GALNT13: variants seen among roughly 807,000 people sequenced by gnomAD.
The protein encoded by GALNT13 is polypeptide N-acetylgalactosaminyltransferase 13.
A neutral mutation model predicts 64.2 loss-of-function variants in GALNT13; 28 were observed. The ratio of observed to expected loss-of-function variants is 0.44; its 90% CI spans 0.32 to 0.60. The LOEUF is 0.60. Ranked by LOEUF, GALNT13 falls within the 20% of genes least tolerant of loss-of-function variation. The pLI is 0.05. For missense variants in GALNT13, 577 were observed against 669.8 expected (o/e 0.86, Z 1.53); for synonymous variants, 214 against 224.6 (o/e 0.95, Z 0.42).
intron 3 of GALNT13, among the ~76,000 whole-genome samples, chr2:153,987,156 A>G (rs1226423893): frequency 6.6e-6 from 1 of 151,966 alleles, no homozygotes; most frequent in Non-Finnish European, 1.5e-5. Flanking sequence ...AGGATAAAGG[A>G]GTAGGAAGAA....
chr2:153,108,056 T>A, the GALNT13 span, among the ~76,000 whole-genome samples: 2 of 152,106 alleles, frequency 1.3e-5, no homozygotes, highest in Non-Finnish European at 2.9e-5. Flanking sequence ...TTTTGTATTT[T>A]TAGTAGAGAC....
chr2:154,259,173 C>G, intron 8 of GALNT13, 35 bp downstream of exon 8: 1 of 1,161,918 alleles, frequency 8.6e-7, no homozygotes, highest in Non-Finnish European at 1.3e-6. Flanking sequence ...TGATGCTGAA[C>G]ATACAATGCT....
the GALNT13 span, among the ~76,000 whole-genome samples, chr2:153,407,952 G>A: frequency 6.6e-6 from 1 of 152,130 alleles, no homozygotes; most frequent in African/African-American, 2.4e-5. Context: ...AGTAGAGCTG[G>A]TGTCATAGCA....
At chr2:154,254,057 A>G (rs1198380536) in intron 7 of GALNT13, among the ~76,000 whole-genome samples, 1 of 152,190 alleles carries the variant, frequency 6.6e-6, no homozygotes, top group Non-Finnish European at 1.5e-5. Flanking sequence ...GGGACGGGGC[A>G]GTGGTGTTGA....
At chr2:154,150,354 T>A (rs374711927) in intron 4 of GALNT13, among the ~76,000 whole-genome samples, 8 of 151,232 alleles carry the variant, frequency 5.3e-5, no homozygotes, top group South Asian at 4.2e-4. Context: ...GGATTTTTGC[T>A]TCAATGTTCA....
intron 3 of GALNT13, among the ~76,000 whole-genome samples, chr2:154,054,887 G>T (rs146710880): frequency 1.3e-4 from 20 of 151,966 alleles, no homozygotes; most frequent in African/African-American, 4.6e-4. Context: ...ATCTTAAAAT[G>T]GTCTTTAAAT....
the GALNT13 span, among the ~76,000 whole-genome samples, chr2:153,660,830 G>A: frequency 6.6e-6 from 1 of 151,988 alleles, no homozygotes; most frequent in Non-Finnish European, 1.5e-5. Context: ...TGTTCTTAAA[G>A]TTTCTGTCAG....
chr2:153,388,978 C>T, the GALNT13 span, among the ~76,000 whole-genome samples: 2 of 152,036 alleles, frequency 1.3e-5, no homozygotes, highest in East Asian at 3.9e-4. Flanking sequence ...GCCATTTCCT[C>T]AGGGAAACAA....
chr2:153,745,875 T>G, the GALNT13 span, among the ~76,000 whole-genome samples: 1 of 152,082 alleles, frequency 6.6e-6, no homozygotes, highest in Admixed American at 6.6e-5. Flanking sequence ...GGCTGGAGCC[T>G]CCATGCTTTG....
the GALNT13 span, among the ~76,000 whole-genome samples, chr2:153,429,050 A>G: frequency 6.6e-6 from 1 of 152,026 alleles, no homozygotes; most frequent in East Asian, 1.9e-4. Context: ...GTGTCCATAT[A>G]TATTATCTCT....
rs555147853 is a variant in GALNT13 at position 154,179,380 on chromosome 2, T to C, written c.311+38875T>C. On this transcript the variant is annotated intron_variant, in intron 4 of 12. Coordinates refer to ENST00000392825, the MANE Select transcript of GALNT13 (RefSeq NM_052917.4). The stretch of plus-strand genomic sequence containing the variant: ...AATCTGCATGTGAAATATATAATGC[T>C]GTTTTGCTGATTTCATTACAAATAA... 3.3e-4 allele frequency among the ~76,000 whole-genome samples: 50 copies of C among 152,328 alleles called. 1 individual carries two copies. In the South Asian group the frequency reaches 4.6e-3, roughly 14 times the overall value.
chr2:153,872,932 G>A (rs570939305), intron 1 of GALNT13, among the ~76,000 whole-genome samples: 1 of 152,082 alleles, frequency 6.6e-6, no homozygotes, highest in Non-Finnish European at 1.5e-5. Context: ...ACACTCTCCG[G>A]CCATGTATCT....
the GALNT13 span, among the ~76,000 whole-genome samples, chr2:153,591,236 A>G: frequency 6.6e-6 from 1 of 152,144 alleles, no homozygotes; most frequent in Non-Finnish European, 1.5e-5. Context: ...TTACCTAGGA[A>G]TATATTTAAC....
intron 3 of GALNT13, among the ~76,000 whole-genome samples, chr2:154,042,248 C>T (rs538529343): frequency 3.6e-5 from 5 of 139,652 alleles, no homozygotes; most frequent in African/African-American, 1.2e-4. Context: ...AAAACGGAAA[C>T]GATGACATTA....
chr2:153,935,003 T>C (rs1431277833), intron 2 of GALNT13, among the ~76,000 whole-genome samples: 3 of 152,138 alleles, frequency 2.0e-5, no homozygotes, highest in East Asian at 1.9e-4. Flanking sequence ...CTAAATAATA[T>C]GACAGTGGCT....
chr2:154,424,156 T>C (rs972185280), intron 11 of GALNT13, among the ~76,000 whole-genome samples: 7 of 152,096 alleles, frequency 4.6e-5, no homozygotes, highest in Admixed American at 2.6e-4. Flanking sequence ...GGAGCATGGA[T>C]TGGATTCGTA....
At chr2:153,547,058 A>G in the GALNT13 span, among the ~76,000 whole-genome samples, 1 of 152,232 alleles carries the variant, frequency 6.6e-6, no homozygotes, top group Non-Finnish European at 1.5e-5. Flanking sequence ...CCACTGTAAA[A>G]TAATCATGTA....
intron 12 of GALNT13, among the ~76,000 whole-genome samples, chr2:154,446,152 T>C (rs1445867837): frequency 1.3e-5 from 2 of 152,000 alleles, no homozygotes; most frequent in African/African-American, 2.4e-5. Context: ...GTCCCTGATA[T>C]TTATTTAATT....
At chr2:153,651,441 G>A in the GALNT13 span, among the ~76,000 whole-genome samples, 5 of 152,262 alleles carry the variant, frequency 3.3e-5, no homozygotes, top group Middle Eastern at 3.4e-3. Flanking sequence ...ATGGCTTGGG[G>A]CAGTATAGAC....
Sources: allele counts gnomAD v4.1 joint callset (sites outside exome capture counted in the v4.1 genomes callset), GRCh38; gene constraint gnomAD v4.1.1; transcripts MANE v1.5; gene names NCBI Gene and HGNC (gene_info 2026-07-23, HGNC 2026-07-21).